The following XKR9 variants were observed in gnomAD, a reference collection of about 807,000 sequenced individuals.
The protein encoded by XKR9 is XK-related protein 9.
Under a neutral mutation model 32.0 loss-of-function variants are expected in XKR9, and 32 were observed. The observed-to-expected ratio is 1.00, with a 90% CI of 0.76 to 1.34. XKR9 has a LOEUF of 1.34. Among genes scored for constraint, XKR9 ranks in the 40% most tolerant of loss-of-function variants. The probability of loss-of-function intolerance (pLI) is 0.00; values close to 1 mark genes in which losing one functional copy is unlikely to be tolerated. For synonymous variants in XKR9, 168 were observed against 143.4 expected (o/e 1.17, Z -1.22); for missense variants, 546 against 429.7 (o/e 1.27, Z -2.39).
chr8:70,968,167 T>C, the XKR9 span, among the ~76,000 whole-genome samples: 1 of 152,194 alleles, frequency 6.6e-6, no homozygotes, highest in African/African-American at 2.4e-5. Context: ...CTTGTCTGCC[T>C]GTCTTATTTC....
the XKR9 span, among the ~76,000 whole-genome samples, chr8:70,847,413 G>A: frequency 5.9e-5 from 9 of 151,734 alleles, no homozygotes; most frequent in Non-Finnish European, 1.2e-4. Flanking sequence ...AATATATAAT[G>A]TGCCCCAAAG....
At chr8:70,717,083 G>C (rs1390771248) in intron 4 of XKR9, among the ~76,000 whole-genome samples, 2 of 152,218 alleles carry the variant, frequency 1.3e-5, no homozygotes, top group East Asian at 3.8e-4. Context: ...GCAAGAGGTG[G>C]ACTCCTATGG....
the XKR9 span, among the ~76,000 whole-genome samples, chr8:70,857,393 G>T: frequency 2.0e-5 from 3 of 152,162 alleles, no homozygotes; most frequent in African/African-American, 7.2e-5. Flanking sequence ...ATAAATTCCT[G>T]GACACATACA....
At chr8:70,948,080 G>A in the XKR9 span, among the ~76,000 whole-genome samples, 1 of 152,172 alleles carries the variant, frequency 6.6e-6, no homozygotes, top group African/African-American at 2.4e-5. Flanking sequence ...CCATTAGTGT[G>A]TAAGATGAAA....
At chr8:70,705,613 A>G (rs73684535) in intron 3 of XKR9, among the ~76,000 whole-genome samples, 11,039 of 152,144 alleles carry the variant, frequency 0.073, 486 homozygotes, top group Non-Finnish European at 0.089. Context: ...AATGAGATGG[A>G]AAGGTAGTTG....
chr8:70,982,328 T>A, the XKR9 span, among the ~76,000 whole-genome samples: 2 of 152,156 alleles, frequency 1.3e-5, no homozygotes, highest in Non-Finnish European at 2.9e-5. Flanking sequence ...TAGGGGTGTG[T>A]GAGCTCAGCC....
chr8:70,732,550 C>A (rs900626076), intron 4 of XKR9, among the ~76,000 whole-genome samples: 2 of 152,188 alleles, frequency 1.3e-5, no homozygotes, highest in Non-Finnish European at 2.9e-5. Context: ...ATATTTGTAA[C>A]CACCCAGTGG....
chr8:70,673,008 A>T (rs1358491541), intron 1 of XKR9, among the ~76,000 whole-genome samples: 1 of 152,222 alleles, frequency 6.6e-6, no homozygotes, highest in Non-Finnish European at 1.5e-5. Context: ...TCTGTTCAGC[A>T]GATGTCTCTG....
the XKR9 span, among the ~76,000 whole-genome samples, chr8:70,928,890 G>C: frequency 6.6e-6 from 1 of 152,302 alleles, no homozygotes; most frequent in East Asian, 1.9e-4. Context: ...GAGAGACAGG[G>C]TGGAAACAAT....
At chr8:70,964,276 A>C in the XKR9 span, among the ~76,000 whole-genome samples, 1 of 152,176 alleles carries the variant, frequency 6.6e-6, no homozygotes, top group Non-Finnish European at 1.5e-5. Flanking sequence ...AGATAGTTGT[A>C]GGTGTGTAGT....
At chr8:70,978,625 C>G in the XKR9 span, among the ~76,000 whole-genome samples, 1 of 152,182 alleles carries the variant, frequency 6.6e-6, no homozygotes, top group Non-Finnish European at 1.5e-5. Context: ...CATGCACTTT[C>G]TTTTGTGGGT....
intron 2 of XKR9, among the ~76,000 whole-genome samples, chr8:70,778,787 C>T (rs1807570167): frequency 6.6e-6 from 1 of 152,088 alleles, no homozygotes; most frequent in Non-Finnish European, 1.5e-5. Flanking sequence ...GTGATTTTTG[C>T]ACATTGATTT....
At chr8:70,748,318 A>G (rs1055770898) in intron 2 of XKR9, among the ~76,000 whole-genome samples, 2 of 152,108 alleles carry the variant, frequency 1.3e-5, no homozygotes, top group African/African-American at 2.4e-5. Context: ...GCATCCCTGC[A>G]CTCGCAGGGG....
the XKR9 span, among the ~76,000 whole-genome samples, chr8:71,002,551 C>A: frequency 1.3e-5 from 2 of 152,050 alleles, no homozygotes; most frequent in Non-Finnish European, 2.9e-5. Context: ...ATACATTCAA[C>A]AGGCAACTTC....
At chr8:70,993,469 A>G in the XKR9 span, among the ~76,000 whole-genome samples, 1 of 152,094 alleles carries the variant, frequency 6.6e-6, no homozygotes, top group South Asian at 2.1e-4. Context: ...TGTCCCAAAA[A>G]TGTCCCACCT....
the XKR9 span, among the ~76,000 whole-genome samples, chr8:70,867,339 T>G: frequency 2.0e-5 from 3 of 152,194 alleles, no homozygotes; most frequent in African/African-American, 7.2e-5. Flanking sequence ...AGATGAGATT[T>G]GGGTGGGGAC....
At chr8:71,064,539 G>A in the XKR9 span, among the ~76,000 whole-genome samples, 1 of 152,144 alleles carries the variant, frequency 6.6e-6, no homozygotes, top group Non-Finnish European at 1.5e-5. Flanking sequence ...AGGTTTCAAT[G>A]AAAAGCTCAT....
the XKR9 span, among the ~76,000 whole-genome samples, chr8:70,878,964 C>G: frequency 6.6e-6 from 1 of 152,138 alleles, no homozygotes; most frequent in African/African-American, 2.4e-5. Context: ...TCTCTCAGAC[C>G]ACAGTACAAT....
the XKR9 span, among the ~76,000 whole-genome samples, chr8:71,042,776 G>A: frequency 6.6e-6 from 1 of 152,172 alleles, no homozygotes; most frequent in East Asian, 1.9e-4. Context: ...CAGGGATCAA[G>A]TCCAAAGTCT....
Sources: allele counts gnomAD v4.1 joint callset (sites outside exome capture counted in the v4.1 genomes callset), GRCh38; gene constraint gnomAD v4.1.1; transcripts MANE v1.5; gene names NCBI Gene and HGNC (gene_info 2026-07-23, HGNC 2026-07-21).